The following KCP variants were observed in gnomAD, a reference collection of about 807,000 sequenced individuals.
The protein encoded by KCP is kielin/chordin-like protein.
In KCP, 194 loss-of-function variants were observed where a neutral mutation model predicts 212.7. The observed-to-expected ratio is 0.91, with a 90% confidence interval of 0.81 to 1.03. KCP has a LOEUF of 1.03. Ranked by LOEUF, KCP falls within the 50% of genes least tolerant of loss-of-function variation. The pLI is 0.00. For missense variants in KCP, 2,080 were observed against 2,162.5 expected, an observed-to-expected ratio of 0.96 and a Z score of 0.76; for synonymous variants, 833 against 865.3, an observed-to-expected ratio of 0.96 and a Z score of 0.65.
In KCP at chr7:128,891,508, G is replaced by T. The variant is rs1389243267; in HGVS notation, c.1821C>A (p.Tyr607Ter). 6.5e-7 allele frequency: 1 copy of T among 1,549,700 alleles called. No homozygotes were observed. Among genetic ancestry groups the T allele is most frequent in the African/African-American group, 1.4e-5 (1 of 72,996 alleles). ...GGTGGGGGAAGTCCGCTCCGCTGGG[G>T]TACTCTTTCCCGCCAAAGGCACAGC... is the stretch of plus-strand genomic sequence containing the variant. ...CSGCAFGGKE[Y>*]PSGADFPHPS... The change falls in exon 18 of 40, where the codon TAC becomes TAA. Residue 607 changes from tyrosine (Y) to a stop codon, truncating the protein, a stop_gained. Coordinates refer to ENST00000610776, the MANE Select transcript of KCP (RefSeq NM_001366122.1). LOFTEE classifies it high-confidence loss of function.
In KCP at chr7:128,906,301, T is replaced by C; in HGVS notation, c.549A>G (p.Ala183=). ...GACCTGGCTTACAGTGCGGGCAGCA[T>C]GCTCCTGGCTCAGGGCAGGGTCCTC... is the stretch of plus-strand genomic sequence containing the variant. The part of the protein sequence containing the change: ...CPRGPCPEPG[A]CCPHCKPGCD... The change falls in exon 5 of 40, where the codon GCA becomes GCG. Residue 183 remains alanine (A), a synonymous_variant. Transcript: ENST00000610776. The C allele has an allele frequency of 6.4e-7, 1 of 1,551,010 alleles. No individual in the cohort carries two copies. Among genetic ancestry groups the C allele is most frequent in the African/African-American group, 1.4e-5 (1 of 73,138 alleles).
rs1563054492 is a variant in KCP at position 128,906,292 on chromosome 7, CG to C, written c.557del (p.Pro186ArgfsTer33). On this transcript the variant is annotated frameshift_variant, in exon 5 of 40. Transcript: ENST00000610776. LOFTEE classifies it high-confidence loss of function. ...GPCPEPGACC[P>X]HCKPGCDYEG... The stretch of plus-strand genomic sequence containing the variant: ...CAGGAGGCTGACCTGGCTTACAGTG[CG>C]GGCAGCATGCTCCTGGCTCAGGGCA... 1 of 1,550,888 alleles carries C rather than the reference CG, an allele frequency of 6.4e-7. No homozygotes were observed. The highest frequency in any genetic ancestry group is 1.2e-5 in the South Asian group (1 of 84,042).
intron 16 of KCP, 57 bp from the exon 17 acceptor site, chr7:128,891,876 C>T (rs1472447356): frequency 1.4e-5 from 19 of 1,320,020 alleles, no homozygotes; most frequent in South Asian, 5.2e-5. Flanking sequence ...TCCCTCCAGC[C>T]CTGGAGTCCA....
At chr7:128,886,838 G>A in intron 24 of KCP, 38 bp downstream of exon 24, 1 of 1,405,016 alleles carries the variant, frequency 7.1e-7, no homozygotes, top group South Asian at 1.2e-5. Context: ...GAGAGGCGGG[G>A]AAGGGCATGG....
At chr7:128,890,205 C>T (rs753728611) in intron 21 of KCP, 138 bp downstream of exon 21, 3 of 1,503,630 alleles carry the variant, frequency 2.0e-6, no homozygotes, top group Non-Finnish European at 2.7e-6. Flanking sequence ...CAGGCTTCAG[C>T]TAGGGCTCCC....
intron 2 of KCP, 88 bp from the exon 3 acceptor site, chr7:128,907,541 T>C (rs1379200641): frequency 1.0e-6 from 1 of 981,196 alleles, no homozygotes; most frequent in African/African-American, 1.7e-5. Flanking sequence ...TGAGGCAGGA[T>C]GAGAAAGAAG....
At position 128,879,466 on chromosome 7, in the gene KCP, A is replaced by G. The variant is rs529284923; in HGVS notation, c.4146+56T>C. The stretch of plus-strand genomic sequence containing the variant: ...ACCCCCTCTACAGATACAGAGGCCT[A>G]AACAGGACTGAAGCTCCCAGCAGGC... On this transcript the variant is annotated intron_variant, in intron 37 of 39. Coordinates refer to ENST00000610776, the MANE Select transcript of KCP (RefSeq NM_001366122.1). The G allele has an allele frequency of 2.9e-5, 43 of 1,462,534 alleles. No homozygotes were observed. In the East Asian group the frequency reaches 9.9e-4, roughly 34 times the overall value. 90.6% of individuals were successfully genotyped at this position (1,462,534 alleles called of 1,614,324 possible).
chr7:128,886,930 G>C lies in KCP; in HGVS notation c.2635C>G (p.Pro879Ala). The change falls in exon 24 of 40, where the codon CCA becomes GCA. Residue 879 changes from proline to alanine, a missense_variant. Coordinates refer to ENST00000610776, the MANE Select transcript of KCP (RefSeq NM_001366122.1). ...GGAGAGGGGTGGGGGCAGAGAGCTG[G>C]GGGACATGGCTTCTTCTGGCAGCGC... The part of the protein sequence containing the change: ...SMRCQKKPCP[P>A]ALCPHPSPGP... The C allele has an allele frequency of 6.5e-7, 1 of 1,533,226 alleles. No homozygotes were observed. 95.0% of individuals were successfully genotyped at this position (1,533,226 alleles called of 1,614,324 possible). A position where few individuals can be genotyped will look rare whatever the true frequency, so the allele number is the denominator to read the frequency against.
intron 8 of KCP, among the ~76,000 whole-genome samples, chr7:128,901,835 T>A (rs1794865587): frequency 6.6e-6 from 1 of 152,102 alleles, no homozygotes; most frequent in Non-Finnish European, 1.5e-5. Flanking sequence ...AACACAGCCC[T>A]CCTCAGGTGC....
At chr7:128,895,105 C>T (rs1273233163) in intron 8 of KCP, among the ~76,000 whole-genome samples, 2 of 152,152 alleles carry the variant, frequency 1.3e-5, no homozygotes, top group African/African-American at 4.8e-5. Flanking sequence ...CTTGATCTCA[C>T]ACTTCTGGCC....
chr7:128,877,073 G>A lies in KCP; in HGVS notation c.4857C>T (p.Ser1619=), dbSNP rs758295088. 17 of 1,523,536 alleles carry A rather than the reference G, an allele frequency of 1.1e-5. No individual in the cohort carries two copies. The South Asian group carries it at 2.1e-4, about 19-fold the overall frequency. 94.4% of individuals were successfully genotyped at this position (1,523,536 alleles called of 1,614,324 possible). ...GTGTCTCCTGGGGCTCCCGGCTGGG[G>A]CTGGGCCGAGCACCAAGTGGCTGGT... ...TGDQPLGARP[S]PSREPQETP Residue 1619 remains serine, a synonymous_variant, in exon 40 of 40, where the codon AGC becomes AGT. Transcript: ENST00000610776.
Position 128,881,091 on chromosome 7 carries a change from G to T in KCP, c.3425-6C>A, listed in dbSNP as rs1265339075. On this transcript the variant is annotated splice_region_variant and splice_polypyrimidine_tract_variant and intron_variant, in intron 31 of 39. Coordinates refer to ENST00000610776, the MANE Select transcript of KCP (RefSeq NM_001366122.1). The stretch of plus-strand genomic sequence containing the variant: ...CTCGGCCTCCACCACACATTCTGAG[G>T]GGGGAGACATGGGATGGGCAGGCAC... The T allele has an allele frequency of 5.0e-6, 2 of 398,826 alleles. No individual in the cohort carries two copies. Among genetic ancestry groups the T allele is most frequent in the East Asian group, 3.6e-5 (1 of 28,082 alleles). 24.7% of individuals were successfully genotyped at this position (398,826 alleles called of 1,614,324 possible).
Position 128,886,573 on chromosome 7 carries a change from G to A in KCP, c.2773-16C>T. ...CCTGGCCAGCCTGTAGGAGATGCAGGGACACTGGCTCGCTGCCTAGGCTGG... is the reference window on the plus strand; with the variant it reads ...CCTGGCCAGCCTGTAGGAGATGCAGAGACACTGGCTCGCTGCCTAGGCTGG... On this transcript the variant is annotated splice_polypyrimidine_tract_variant and intron_variant, in intron 25 of 39. Transcript: ENST00000610776. The A allele has an allele frequency of 6.4e-7, 1 of 1,550,726 alleles. No individual in the cohort carries two copies.
intron 1 of KCP, among the ~76,000 whole-genome samples, chr7:128,910,048 G>A (rs1339016954): frequency 1.3e-5 from 2 of 152,230 alleles, no homozygotes; most frequent in Non-Finnish European, 2.9e-5. Flanking sequence ...TAGGCAGGCA[G>A]GATATGGGAG....
intron 26 of KCP, among the ~76,000 whole-genome samples, chr7:128,885,643 G>C (rs552765651): frequency 2.0e-5 from 3 of 152,168 alleles, no homozygotes; most frequent in Non-Finnish European, 2.9e-5. Context: ...CAGTCTCTCC[G>C]GGCCTCAGTC....
chr7:128,880,547 G>T lies in KCP; in HGVS notation c.3617-19C>A. The T allele has an allele frequency of 7.0e-7, 1 of 1,419,898 alleles. No individual in the cohort carries two copies. Among genetic ancestry groups the T allele is most frequent in the Non-Finnish European group, 9.3e-7 (1 of 1,076,278 alleles). The allele number at this position is 1,419,898 out of a possible 1,614,324, so 88.0% of individuals were successfully genotyped here. ...GTGGGAGCTGAAGGGATAGGAGCTG[G>T]GAGGGTCAGCTGCTCCTCCCACATG... On this transcript the variant is annotated intron_variant, in intron 33 of 39. Coordinates refer to ENST00000610776, the MANE Select transcript of KCP (RefSeq NM_001366122.1).
Position 128,886,975 on chromosome 7 carries a change from G to A in KCP, c.2599-9C>T, listed in dbSNP as rs1003124818. The stretch of plus-strand genomic sequence containing the variant: ...CAGCGCATGGAACCTTCCTGGGGGA[G>A]AGAGGCCCATCACACCCTCAACTGG... On this transcript the variant is annotated splice_polypyrimidine_tract_variant and intron_variant, in intron 23 of 39. Coordinates refer to ENST00000610776, the MANE Select transcript of KCP (RefSeq NM_001366122.1). 6.9e-7 allele frequency: 1 copy of A among 1,439,096 alleles called. No homozygotes were observed. Among genetic ancestry groups the A allele is most frequent in the Non-Finnish European group, 9.5e-7 (1 of 1,048,374 alleles). 89.1% of individuals were successfully genotyped at this position (1,439,096 alleles called of 1,614,324 possible). A position where few individuals can be genotyped will look rare whatever the true frequency, so the allele number is the denominator to read the frequency against.
rs764684248 is a variant in KCP, at chr7:128,877,041, G to A, written c.*2C>T. The A allele has an allele frequency of 2.0e-6, 3 of 1,535,022 alleles. No individual in the cohort carries two copies. ...TGAACCCTTATCAGGCACTGTCCTG[G>A]CTCAGGGTGTCTCCTGGGGCTCCCG... On this transcript the variant is annotated 3_prime_UTR_variant, in exon 40 of 40. Coordinates refer to ENST00000610776, the MANE Select transcript of KCP (RefSeq NM_001366122.1).
At chr7:128,882,846 T>A (rs1049662672) in intron 29 of KCP, among the ~76,000 whole-genome samples, 4 of 151,986 alleles carry the variant, frequency 2.6e-5, no homozygotes, top group African/African-American at 4.8e-5. Context: ...CTGAGGCGGG[T>A]GGATCACCTG....
Sources: allele counts gnomAD v4.1 joint callset (sites outside exome capture counted in the v4.1 genomes callset), GRCh38; gene constraint gnomAD v4.1.1; transcripts MANE v1.5; gene names NCBI Gene and HGNC (gene_info 2026-07-23, HGNC 2026-07-21).